The following TXNRD1 variants were observed in gnomAD, a reference collection of about 807,000 sequenced individuals.
The protein encoded by TXNRD1 is thioredoxin reductase 1, also known as thioredoxin reductase 1, cytoplasmic.
Under a neutral mutation model 80.3 loss-of-function variants are expected in TXNRD1, and 57 were observed. That is an observed-to-expected ratio of 0.71 (90% CI 0.57 to 0.89). The LOEUF is 0.89. TXNRD1 is among the 40% of genes least tolerant of loss of function. The probability of loss-of-function intolerance (pLI) is 0.00; values close to 1 mark genes in which losing one functional copy is unlikely to be tolerated. For missense variants in TXNRD1, 730 were observed against 803.0 expected (o/e 0.91, Z 1.10); for synonymous variants, 291 against 285.2 (o/e 1.02, Z -0.20).
chr12:104,326,827 G>T (rs1353780568), intron 12 of TXNRD1, among the ~76,000 whole-genome samples: 1 of 151,502 alleles, frequency 6.6e-6, no homozygotes, highest in African/African-American at 2.4e-5. Context: ...TAGAATTTTA[G>T]TTTTTTGTTG....
chr12:104,316,547 G>A (rs1468368541), intron 7 of TXNRD1, among the ~76,000 whole-genome samples: 6 of 152,036 alleles, frequency 3.9e-5, no homozygotes, highest in South Asian at 2.1e-4. Flanking sequence ...CTGCCACCAC[G>A]CCTGGCTAAT....
intron 4 of TXNRD1, chr12:104,303,771 A>T: frequency 8.2e-7 from 1 of 1,215,038 alleles, no homozygotes; most frequent in Non-Finnish European, 1.1e-6. Context: ...AACTGCCGCC[A>T]CTTTCCACAC....
intron 3 of TXNRD1, among the ~76,000 whole-genome samples, chr12:104,267,267 C>CTTTCTTTCTTTCTTTCTTTCTTTCTTTCT (rs2033522542): frequency 1.4e-5 from 2 of 138,446 alleles, no homozygotes; most frequent in Non-Finnish European, 3.1e-5. Flanking sequence ...TTCTTTCTTT[C>CTTTCTTTCTTTCTTTCTTTCTTTCTTTCT]TTTCTTTCTT....
chr12:104,224,000 G>A (rs10861171), intron 1 of TXNRD1, among the ~76,000 whole-genome samples: 28,583 of 152,234 alleles, frequency 0.19, 3,884 homozygotes, highest in African/African-American at 0.39. Flanking sequence ...AGGCACTGAT[G>A]CATAACCATT....
chr12:104,287,749 C>T (rs2034025385), intron 3 of TXNRD1, among the ~76,000 whole-genome samples: 1 of 152,154 alleles, frequency 6.6e-6, no homozygotes, highest in Non-Finnish European at 1.5e-5. Context: ...AGTGATTAAA[C>T]GCGTCGACCA....
At chr12:104,252,471 TAAAC>T (rs1177084919) in intron 2 of TXNRD1, among the ~76,000 whole-genome samples, 2 of 151,188 alleles carry the variant, frequency 1.3e-5, no homozygotes. Context: ...CCACCCTGAA[TAAAC>T]CAGGGTGGAC....
intron 16 of TXNRD1, among the ~76,000 whole-genome samples, chr12:104,344,653 C>T (rs1262520732): frequency 6.6e-6 from 1 of 152,052 alleles, no homozygotes; most frequent in African/African-American, 2.4e-5. Context: ...TGTAGTTATC[C>T]TAAGGTGCTA....
intron 1 of TXNRD1, among the ~76,000 whole-genome samples, chr12:104,249,671 C>A (rs1046993086): frequency 4.6e-5 from 7 of 152,048 alleles, no homozygotes; most frequent in Non-Finnish European, 1.0e-4. Flanking sequence ...CGCGGTGGTT[C>A]ACGCCTGTAA....
At chr12:104,315,052 C>G (rs2035276786) in intron 6 of TXNRD1, among the ~76,000 whole-genome samples, 1 of 152,136 alleles carries the variant, frequency 6.6e-6, no homozygotes, top group South Asian at 2.1e-4. Context: ...CAATATACAC[C>G]AAATTTTATA....
Position 104,311,382 on chromosome 12 carries a change from A to G in TXNRD1, c.507A>G (p.Gly169=), listed in dbSNP as rs770483872. ...ATGACTATGACCTTATCATCATTGGAGGTGGCTCAGGAGGTCTGGCAGCTG... is the reference window on the plus strand; with the variant it reads ...ATGACTATGACCTTATCATCATTGGGGGTGGCTCAGGAGGTCTGGCAGCTG... ...KSYDYDLIII[G]GGSGGLAAAK... Residue 169 remains glycine, a synonymous_variant, in exon 5 of 17, where the codon GGA becomes GGG. Coordinates refer to ENST00000525566, the MANE Select transcript of TXNRD1 (RefSeq NM_001093771.3). 6.2e-7 allele frequency: 1 copy of G among 1,613,404 alleles called. No homozygotes were observed. The highest frequency in any genetic ancestry group is 8.5e-7 in the Non-Finnish European group (1 of 1,179,752).
rs553396549 is a variant in TXNRD1 at position 104,217,371 on chromosome 12, C to T, written c.91+1478C>T. On this transcript the variant is annotated intron_variant, in intron 1 of 16. Transcript: ENST00000525566. ...CGTTGCCCAGGCTGGGGTGCAATGG[C>T]GCCATCTTGGCTCACCTCAGCCTCC... Among the ~76,000 whole-genome samples the T allele has an allele frequency of 3.5e-4, 52 of 149,294 alleles. No homozygotes were observed. The South Asian group carries it at 7.3e-3, about 21-fold the overall frequency.
chr12:104,228,246 G>T (rs2032521973), intron 1 of TXNRD1, among the ~76,000 whole-genome samples: 1 of 148,062 alleles, frequency 6.8e-6, no homozygotes, highest in African/African-American at 2.5e-5. Context: ...AGGTTGCAGT[G>T]AGCCGAGATT....
At chr12:104,220,712 C>A (rs544664425) in intron 1 of TXNRD1, among the ~76,000 whole-genome samples, 1 of 115,882 alleles carries the variant, frequency 8.6e-6, no homozygotes, top group Non-Finnish European at 1.7e-5. Flanking sequence ...GTGATGAGAA[C>A]GAAACTCCGT....
chr12:104,282,199 T>C (rs563449026), intron 3 of TXNRD1, among the ~76,000 whole-genome samples: 1 of 152,154 alleles, frequency 6.6e-6, no homozygotes, highest in Non-Finnish European at 1.5e-5. Flanking sequence ...TAGTTAGGGT[T>C]TGGGGAGCTA....
chr12:104,308,264 G>A (rs1047943866), intron 4 of TXNRD1, among the ~76,000 whole-genome samples: 14 of 152,086 alleles, frequency 9.2e-5, no homozygotes, highest in Admixed American at 7.2e-4. Flanking sequence ...CAAAGTGCTG[G>A]GATTACAGGC....
At chr12:104,234,206 A>AT (rs2032685206) in intron 1 of TXNRD1, among the ~76,000 whole-genome samples, 1 of 152,218 alleles carries the variant, frequency 6.6e-6, no homozygotes, top group African/African-American at 2.4e-5. Flanking sequence ...ACCTATTTGC[A>AT]TTTTGATGAT....
Position 104,349,742 on chromosome 12 carries a change from C to T in TXNRD1, c.*1321C>T, listed in dbSNP as rs577099968. 2.0e-5 allele frequency: 3 copies of T among 152,506 alleles called. No individual in the cohort carries two copies. In the South Asian group the frequency reaches 6.2e-4, roughly 32 times the overall value. The allele number at this position is 152,506 out of a possible 1,614,324, so 9.4% of individuals were successfully genotyped here. On this transcript the variant is annotated 3_prime_UTR_variant, in exon 17 of 17. Transcript: ENST00000525566. ...CACGTGCTTGTGGACATCAGGCCTC[C>T]TGCCAGCAGTTCTTGAAGCTTCTTT...
chr12:104,239,280 G>A (rs2032807987), intron 1 of TXNRD1, among the ~76,000 whole-genome samples: 2 of 150,874 alleles, frequency 1.3e-5, no homozygotes, highest in Non-Finnish European at 2.9e-5. Flanking sequence ...TGCAACCTCT[G>A]CCTCCTGGGT....
intron 3 of TXNRD1, among the ~76,000 whole-genome samples, chr12:104,273,465 C>T (rs1453405767): frequency 5.3e-5 from 8 of 151,842 alleles, no homozygotes; most frequent in Admixed American, 1.3e-4. Context: ...TGGTGGTGCG[C>T]GCCTATAGTC....
Sources: gnomAD v4.1 joint callset for allele counts (sites outside exome capture counted in the v4.1 genomes callset) on GRCh38, gnomAD v4.1.1 for gene constraint, MANE v1.5 for transcripts, NCBI Gene and HGNC (gene_info 2026-07-23, HGNC 2026-07-21) for gene names.